The following ERFL variants were observed in gnomAD, a reference collection of about 807,000 sequenced individuals.
The protein encoded by ERFL is ETS repressor factor like, also known as ETS domain-containing transcription factor ERF-like.
Under a neutral mutation model 27.9 loss-of-function variants are expected in ERFL, and 8 were observed. The ratio of observed to expected loss-of-function variants is 0.29; its 90% CI spans 0.17 to 0.52. The LOEUF (loss-of-function observed/expected upper bound fraction) is 0.52. Ranked by LOEUF, ERFL falls within the 20% of genes least tolerant of loss-of-function variation. The pLI is 0.97. For missense variants in ERFL, 294 were observed against 444.4 expected (o/e 0.66, Z 3.04); for synonymous variants, 174 against 202.8 (o/e 0.86, Z 1.21).
At chr19:41,922,464 C>T (rs554602268) in intron 1 of ERFL, among the ~76,000 whole-genome samples, 3 of 152,074 alleles carry the variant, frequency 2.0e-5, no homozygotes, top group Admixed American at 6.5e-5. Context: ...GACAGGGAAT[C>T]GGATGACAAG....
At chr19:41,918,779 CCA>C (rs1243383197) in intron 1 of ERFL, among the ~76,000 whole-genome samples, 1 of 150,356 alleles carries the variant, frequency 6.7e-6, no homozygotes, top group Non-Finnish European at 1.5e-5. Context: ...CACACACATA[CCA>C]CACACTGCAT....
At chr19:41,912,656 G>A (rs928686946) in intron 2 of ERFL, among the ~76,000 whole-genome samples, 197 bp downstream of exon 2, 3 of 152,210 alleles carry the variant, frequency 2.0e-5, no homozygotes, top group African/African-American at 4.8e-5. Context: ...CAGCACGCAG[G>A]GGGCAGGGGA....
chr19:41,926,122 G>A lies in ERFL; in HGVS notation c.-14+1918C>T, dbSNP rs141484908. Among the ~76,000 whole-genome samples, 643 of 152,182 alleles carry A rather than the reference G, an allele frequency of 4.2e-3. 7 individuals are homozygous for A. Among genetic ancestry groups the A allele is most frequent in the African/African-American group, 0.015 (618 of 41,488 alleles). On this transcript the variant is annotated intron_variant, in intron 1 of 5. Coordinates refer to ENST00000597630, the MANE Select transcript of ERFL (RefSeq NM_001365103.2). ...CTCACGTACAGGTAGGAAGGGGCCAGTGTGACATGAAATGAGATAAAATGC... is the reference window on the plus strand; with the variant it reads ...CTCACGTACAGGTAGGAAGGGGCCAATGTGACATGAAATGAGATAAAATGC...
At chr19:41,912,706 G>GTTTGATTTGGGGGA in intron 2 of ERFL, 147 bp downstream of exon 2, 1 of 399,468 alleles carries the variant, frequency 2.5e-6, no homozygotes, top group South Asian at 1.4e-4. Flanking sequence ...CTCAGAAGGG[G>GTTTGATTTGGGGGA]TTTGATTTGG....
chr19:41,920,459 C>CA (rs2074835454), intron 1 of ERFL, among the ~76,000 whole-genome samples: 1 of 147,948 alleles, frequency 6.8e-6, no homozygotes, highest in Non-Finnish European at 1.5e-5. Flanking sequence ...CATGACACGC[C>CA]CAGACATGAT....
rs1301434164 is a variant in ERFL at position 41,916,426 on chromosome 19, C to A, written c.-13-3494G>T. 6.6e-6 allele frequency among the ~76,000 whole-genome samples: 1 copy of A among 152,166 alleles called. No individual in the cohort carries two copies. Among genetic ancestry groups the A allele is most frequent in the Non-Finnish European group, 1.5e-5 (1 of 68,040 alleles). ...ACCAACACTGTCACAGTCACACACA[C>A]ACACATCAGCATAGTCACAGATGCA... On this transcript the variant is annotated intron_variant, in intron 1 of 5. Coordinates refer to ENST00000597630, the MANE Select transcript of ERFL (RefSeq NM_001365103.2). The surrounding 1 kb of genome is among the most constrained non-coding windows in gnomAD (Gnocchi z 5.4).
intron 1 of ERFL, among the ~76,000 whole-genome samples, chr19:41,913,135 C>T (rs1188500952): frequency 6.6e-6 from 1 of 151,960 alleles, no homozygotes; most frequent in Admixed American, 6.6e-5. Flanking sequence ...GACCCCGTTC[C>T]TTCCCTCCCA....
chr19:41,909,509 G>T lies in ERFL; in HGVS notation c.303-38C>A, dbSNP rs1342885466. 2.4e-6 allele frequency: 3 copies of T among 1,247,762 alleles called. No individual in the cohort carries two copies. Among genetic ancestry groups the T allele is most frequent in the South Asian group, 3.6e-5 (1 of 27,824 alleles). 77.3% of individuals were successfully genotyped at this position (1,247,762 alleles called of 1,614,324 possible). A position where few individuals can be genotyped will look rare whatever the true frequency, so the allele number is the denominator to read the frequency against. On this transcript the variant is annotated intron_variant, in intron 3 of 5. Transcript: ENST00000597630. The surrounding 1 kb of genome is among the most constrained non-coding windows in gnomAD (Gnocchi z 5.2). ...TGGTGGTGTTGGGGAGGTGCAGGGG[G>T]AGCCCTGGGGCGGGATCTGGGGTTT...
chr19:41,917,838 A>G lies in ERFL; in HGVS notation c.-13-4906T>C, dbSNP rs781784001. On this transcript the variant is annotated intron_variant, in intron 1 of 5. Coordinates refer to ENST00000597630, the MANE Select transcript of ERFL (RefSeq NM_001365103.2). The surrounding 1 kb of genome is among the most constrained non-coding windows in gnomAD (Gnocchi z 4.8). ...CAGCCCCAGCCATGGGACGGCTGCC[A>G]GCCCCACCCATCTGTTGCCACACAA... Among the ~76,000 whole-genome samples the G allele has an allele frequency of 6.6e-6, 1 of 151,934 alleles. No homozygotes were observed. Among genetic ancestry groups the G allele is most frequent in the Admixed American group, 6.6e-5 (1 of 15,254 alleles).
Position 41,908,344 on chromosome 19 carries a change from T to G in ERFL, c.949A>C (p.Ser317Arg). Residue 317 changes from serine to arginine, a missense_variant, in exon 6 of 6, where the codon AGC (serine) becomes CGC (arginine). Physicochemically the swap from Ser to Arg is moderately radical, Grantham distance 110. Transcript: ENST00000597630. This position sits in a 1 kb window ranked among gnomAD's most constrained non-coding sequence, Gnocchi z 6.7. ...PEAALGGKED[S>R]DSELEITDVS... ...TCGGTGATCTCCAGCTCCGAGTCGCTGTCCTCCTTCCCACCAAGGGCAGCC... is the reference window on the plus strand; with the variant it reads ...TCGGTGATCTCCAGCTCCGAGTCGCGGTCCTCCTTCCCACCAAGGGCAGCC... 2.4e-6 allele frequency: 3 copies of G among 1,231,440 alleles called. No individual in the cohort carries two copies. The highest frequency in any genetic ancestry group is 2.0e-6 in the Non-Finnish European group (2 of 987,772). 76.3% of individuals were successfully genotyped at this position (1,231,440 alleles called of 1,614,324 possible). A position where few individuals can be genotyped will look rare whatever the true frequency, so the allele number is the denominator to read the frequency against.
Position 41,909,708 on chromosome 19 carries a change from T to C in ERFL, c.302+155A>G, listed in dbSNP as rs1369802255. Reference sequence around the variant, plus strand: ...GGTTTAGGGGTCCCTCCTCCTCGCCTCCCTTCCACTCACAAGTAGCGATGG... The same window carrying C: ...GGTTTAGGGGTCCCTCCTCCTCGCCCCCCTTCCACTCACAAGTAGCGATGG... On this transcript the variant is annotated intron_variant, in intron 3 of 5. Transcript: ENST00000597630. This position sits in a 1 kb window ranked among gnomAD's most constrained non-coding sequence, Gnocchi z 5.2. Among the ~76,000 whole-genome samples the C allele has an allele frequency of 1.3e-5, 2 of 152,010 alleles. No individual in the cohort carries two copies. Among genetic ancestry groups the C allele is most frequent in the Non-Finnish European group, 2.9e-5 (2 of 67,974 alleles).
At position 41,909,237 on chromosome 19, in the gene ERFL, C is replaced by T. The variant is rs2074738830; in HGVS notation, c.498+39G>A. Reference sequence around the variant, plus strand: ...ACTGTCCCCTCCCCAGAGTGGGCACCAAGTGCCTCGGTTCCAGGACCCCAG... The same window carrying T: ...ACTGTCCCCTCCCCAGAGTGGGCACTAAGTGCCTCGGTTCCAGGACCCCAG... On this transcript the variant is annotated intron_variant, in intron 4 of 5. Transcript: ENST00000597630. The surrounding 1 kb of genome is among the most constrained non-coding windows in gnomAD (Gnocchi z 5.2). 1 of 1,231,520 alleles carries T rather than the reference C, an allele frequency of 8.1e-7. No individual in the cohort carries two copies. The highest frequency in any genetic ancestry group is 4.1e-5 in the South Asian group (1 of 24,344). 76.3% of individuals were successfully genotyped at this position (1,231,520 alleles called of 1,614,324 possible). A position where few individuals can be genotyped will look rare whatever the true frequency, so the allele number is the denominator to read the frequency against.
At chr19:41,920,165 A>ATT (rs1416436766) in intron 1 of ERFL, among the ~76,000 whole-genome samples, 5 of 105,788 alleles carry the variant, frequency 4.7e-5, no homozygotes, top group African/African-American at 3.1e-4. Context: ...GACATGATGC[A>ATT]CTCAGACATG....
At chr19:41,913,732 C>T (rs1555851495) in intron 1 of ERFL, among the ~76,000 whole-genome samples, 1 of 150,928 alleles carries the variant, frequency 6.6e-6, no homozygotes, top group Non-Finnish European at 1.5e-5. Flanking sequence ...ATCTTACGCC[C>T]CTAAGATACT....
chr19:41,908,163 C>T lies in ERFL; in HGVS notation c.*65G>A. The stretch of plus-strand genomic sequence containing the variant: ...GGCTGGTCCTGGGCCTTGGGCCAGG[C>T]ATCAAGGGCAGACGGGCAGCCACCC... On this transcript the variant is annotated 3_prime_UTR_variant, in exon 6 of 6. Coordinates refer to ENST00000597630, the MANE Select transcript of ERFL (RefSeq NM_001365103.2). The surrounding 1 kb of genome is among the most constrained non-coding windows in gnomAD (Gnocchi z 6.7). 2 of 1,191,158 alleles carry T rather than the reference C, an allele frequency of 1.7e-6. No homozygotes were observed. Among genetic ancestry groups the T allele is most frequent in the Admixed American group, 4.2e-5 (1 of 23,664 alleles). 73.8% of individuals were successfully genotyped at this position (1,191,158 alleles called of 1,614,324 possible). A position where few individuals can be genotyped will look rare whatever the true frequency, so the allele number is the denominator to read the frequency against.
intron 1 of ERFL, chr19:41,923,020 G>A (rs75131444): frequency 1.8e-5 from 7 of 397,438 alleles, no homozygotes; most frequent in East Asian, 7.1e-5. Flanking sequence ...GGGAAGAGGC[G>A]GGAGGGGGCT....
Position 41,910,696 on chromosome 19 carries a change from G to A in ERFL, c.68-599C>T, listed in dbSNP as rs560577242. On this transcript the variant is annotated intron_variant, in intron 2 of 5. Transcript: ENST00000597630. This position sits in a 1 kb window ranked among gnomAD's most constrained non-coding sequence, Gnocchi z 4.4. The stretch of plus-strand genomic sequence containing the variant: ...CCACCCCATATCCATGCCCATGTCC[G>A]TCCAAGAGCAGTCCAGAACGATGTG... 2.6e-4 allele frequency among the ~76,000 whole-genome samples: 40 copies of A among 152,170 alleles called. No homozygotes were observed. The highest frequency in any genetic ancestry group is 3.4e-3 in the Middle Eastern group (1 of 294).
Position 41,917,550 on chromosome 19 carries a change from A to G in ERFL, c.-13-4618T>C, listed in dbSNP as rs1555852055. Among the ~76,000 whole-genome samples, 1 of 148,684 alleles carries G rather than the reference A, an allele frequency of 6.7e-6. No individual in the cohort carries two copies. The highest frequency in any genetic ancestry group is 2.5e-5 in the African/African-American group (1 of 39,974). On this transcript the variant is annotated intron_variant, in intron 1 of 5. Coordinates refer to ENST00000597630, the MANE Select transcript of ERFL (RefSeq NM_001365103.2). This position sits in a 1 kb window ranked among gnomAD's most constrained non-coding sequence, Gnocchi z 4.8. Reference sequence around the variant, plus strand: ...AATTGATTTTTTTTTTAAATTTCATATCTTCTCCGGGGCTCTGTCTAAAGA... The same window carrying G: ...AATTGATTTTTTTTTTAAATTTCATGTCTTCTCCGGGGCTCTGTCTAAAGA...
At chr19:41,923,524 G>C (rs1262820888) in intron 1 of ERFL, among the ~76,000 whole-genome samples, 5 of 149,104 alleles carry the variant, frequency 3.4e-5, no homozygotes, top group African/African-American at 1.2e-4. Flanking sequence ...GAGAGACAGA[G>C]AGACTCAGAA....
Sources: gnomAD v4.1 joint callset for allele counts (sites outside exome capture counted in the v4.1 genomes callset) on GRCh38, gnomAD v4.1.1 for gene constraint, Gnocchi (gnomAD v3.1) non-coding constraint, MANE v1.5 for transcripts, NCBI Gene and HGNC (gene_info 2026-07-23, HGNC 2026-07-21) for gene names.